Variants in ZNF526 observed in about 807,000 individuals in gnomAD.
ZNF526 encodes zinc finger protein 526.
A neutral mutation model predicts 32.4 loss-of-function variants in ZNF526; 16 were observed. The observed-to-expected ratio is 0.49, with a 90% confidence interval of 0.33 to 0.75. ZNF526 has a LOEUF of 0.75. Ranked by LOEUF, ZNF526 falls within the 30% of genes least tolerant of loss-of-function variation. The probability of loss-of-function intolerance (pLI) is 0.02; values close to 1 mark genes in which losing one functional copy is unlikely to be tolerated. For missense variants in ZNF526, 838 were observed against 920.7 expected (o/e 0.91, Z 1.16); for synonymous variants, 355 against 363.4 (o/e 0.98, Z 0.26).
chr19:42,223,616 G>C (rs1365296058), intron 1 of ZNF526, among the ~76,000 whole-genome samples: 1 of 151,980 alleles, frequency 6.6e-6, no homozygotes. Context: ...ACTCCAGCCT[G>C]GGCGACAGAG....
chr19:42,221,515 TC>T (rs1295634562), intron 1 of ZNF526, among the ~76,000 whole-genome samples: 3 of 151,884 alleles, frequency 2.0e-5, no homozygotes, highest in Admixed American at 1.3e-4. Flanking sequence ...TGCCTGTAGT[TC>T]CAGCTACTCA....
intron 1 of ZNF526, among the ~76,000 whole-genome samples, chr19:42,223,940 C>T (rs1245951260): frequency 7.1e-6 from 1 of 141,646 alleles, no homozygotes; most frequent in Admixed American, 7.4e-5. Flanking sequence ...TCAAGACCAG[C>T]CTGGCCAACA....
chr19:42,223,678 A>G (rs1258286650), intron 1 of ZNF526, among the ~76,000 whole-genome samples: 4 of 147,482 alleles, frequency 2.7e-5, no homozygotes, highest in African/African-American at 1.0e-4. Flanking sequence ...TTAGCTGGGC[A>G]TGGTGGCGCA....
At position 42,225,526 on chromosome 19, in the gene ZNF526, T is replaced by C. The variant is rs145972065; in HGVS notation, c.1123T>C (p.Leu375=). ...CCGCGGCTTTGGCACAGAACTCACG[T>C]TGGTGGCTCACCGGCGGGCCCACAC... ...CGRGFGTELT[L]VAHRRAHTAN... Residue 375 remains leucine, a synonymous_variant, in exon 3 of 3, where the codon TTG becomes CTG. Transcript: ENST00000301215. The C allele has an allele frequency of 1.9e-4, 310 of 1,612,348 alleles. No homozygotes were observed. The highest frequency in any genetic ancestry group is 2.3e-4 in the Non-Finnish European group (273 of 1,178,632).
chr19:42,224,810 A>G lies in ZNF526; in HGVS notation c.407A>G (p.Asn136Ser). The G allele has an allele frequency of 6.2e-7, 1 of 1,613,892 alleles. No individual in the cohort carries two copies. Residue 136 changes from asparagine (N) to serine (S), a missense_variant, in exon 3 of 3, where the codon AAC becomes AGC. By Grantham distance (46) the Asn-to-Ser change is conservative (BLOSUM62 1). Transcript: ENST00000301215. ...HQDAHLRESA[N>S]QIQYQCWDCQ... ...GATGCCCACCTCCGAGAGTCTGCAAACCAGATCCAATACCAGTGCTGGGAC... is the reference window on the plus strand; with the variant it reads ...GATGCCCACCTCCGAGAGTCTGCAAGCCAGATCCAATACCAGTGCTGGGAC...
At position 42,226,047 on chromosome 19, in the gene ZNF526, G is replaced by A. The variant is rs747947449; in HGVS notation, c.1644G>A (p.Arg548=). The change falls in exon 3 of 3, where the codon CGG becomes CGA. Residue 548 remains arginine (R), a synonymous_variant. Transcript: ENST00000301215. ...TQSSNLQQHR[R]LHLRPVAFAR... ...GCTCCAACCTGCAGCAGCACCGGCGGTTGCACTTGCGGCCAGTCGCCTTTG... is the reference window on the plus strand; with the variant it reads ...GCTCCAACCTGCAGCAGCACCGGCGATTGCACTTGCGGCCAGTCGCCTTTG... The A allele has an allele frequency of 1.9e-6, 3 of 1,611,388 alleles. No individual in the cohort carries two copies. In the Admixed American group the frequency reaches 5.0e-5, roughly 27 times the overall value.
chr19:42,222,378 G>T (rs369092806), intron 1 of ZNF526, among the ~76,000 whole-genome samples: 1 of 152,120 alleles, frequency 6.6e-6, no homozygotes, highest in South Asian at 2.1e-4. Context: ...GAGCCACTGC[G>T]CCCGGCAATA....
rs750262570 is a variant in ZNF526, at chr19:42,226,404, G to A, written c.2001G>A (p.Thr667=). The A allele has an allele frequency of 5.4e-5, 87 of 1,614,068 alleles. No individual in the cohort carries two copies. The Middle Eastern group carries it at 6.6e-4, about 12-fold the overall frequency. The part of the protein sequence containing the change: ...SEAGGLLQLD[T]AFV ...CAGGCGGGCTCTTGCAGTTGGACAC[G>A]GCCTTCGTGTGACGCAGCTGAAAAG... Residue 667 remains threonine, a synonymous_variant, in exon 3 of 3, where the codon ACG becomes ACA. Transcript: ENST00000301215.
chr19:42,225,111 G>A lies in ZNF526; in HGVS notation c.708G>A (p.Glu236=). 3 of 1,614,154 alleles carry A rather than the reference G, an allele frequency of 1.9e-6. No individual in the cohort carries two copies. Among genetic ancestry groups the A allele is most frequent in the Non-Finnish European group, 2.5e-6 (3 of 1,180,018 alleles). The change falls in exon 3 of 3, where the codon GAG becomes GAA. Residue 236 remains glutamate (E), a synonymous_variant. Coordinates refer to ENST00000301215, the MANE Select transcript of ZNF526 (RefSeq NM_133444.3). ...GCAATGGGTTGGAGGAGGAGGAAGA[G>A]GACGATGAGGAGGATGAAGAAGATG... is the stretch of plus-strand genomic sequence containing the variant. ...EERNGLEEEE[E]DDEEDEEDDE...
In ZNF526 at chr19:42,226,639, C is replaced by T; in HGVS notation, c.*223C>T. On this transcript the variant is annotated 3_prime_UTR_variant, in exon 3 of 3. Transcript: ENST00000301215. The stretch of plus-strand genomic sequence containing the variant: ...CTGAAGCTCTGAAATGCGATGTGAT[C>T]TGTACCAGGTCACCCAGCTATGCTG... 4 of 689,220 alleles carry T rather than the reference C, an allele frequency of 5.8e-6. No individual in the cohort carries two copies. Among genetic ancestry groups the T allele is most frequent in the Non-Finnish European group, 1.0e-5 (4 of 386,912 alleles). 42.7% of individuals were successfully genotyped at this position (689,220 alleles called of 1,614,324 possible). A position where few individuals can be genotyped will look rare whatever the true frequency, so the allele number is the denominator to read the frequency against.
rs2036151450 is a variant in ZNF526 at position 42,224,383 on chromosome 19, C to T, written c.-17-4C>T. On this transcript the variant is annotated splice_region_variant and splice_polypyrimidine_tract_variant and intron_variant, in intron 2 of 2. Transcript: ENST00000301215. The stretch of plus-strand genomic sequence containing the variant: ...CTCACTGGCTCCTGCCCCTCTTTCT[C>T]CAGGCACTGCCTTCCCCACAATGGC... 1 of 1,612,794 alleles carries T rather than the reference C, an allele frequency of 6.2e-7. No homozygotes were observed. Among genetic ancestry groups the T allele is most frequent in the African/African-American group, 1.3e-5 (1 of 74,988 alleles).
chr19:42,224,682 T>C lies in ZNF526; in HGVS notation c.279T>C (p.Asn93=), dbSNP rs1234809310. The C allele has an allele frequency of 1.2e-6, 2 of 1,614,030 alleles. No individual in the cohort carries two copies. The highest frequency in any genetic ancestry group is 2.7e-5 in the African/African-American group (2 of 74,908). Reference sequence around the variant, plus strand: ...AGGAGGAGGCACTGACCACACAGAATGTTGGCCTGGAGCCGGAGCTGGTGC... The same window carrying C: ...AGGAGGAGGCACTGACCACACAGAACGTTGGCCTGGAGCCGGAGCTGGTGC... ...VSEEEALTTQ[N]VGLEPELVPG... Residue 93 remains asparagine (N), a synonymous_variant, in exon 3 of 3, where the codon AAT becomes AAC. Coordinates refer to ENST00000301215, the MANE Select transcript of ZNF526 (RefSeq NM_133444.3).
Position 42,225,315 on chromosome 19 carries a change from C to T in ZNF526, c.912C>T (p.Pro304=). 6.2e-7 allele frequency: 1 copy of T among 1,613,056 alleles called. No individual in the cohort carries two copies. Among genetic ancestry groups the T allele is most frequent in the Non-Finnish European group, 8.5e-7 (1 of 1,179,312 alleles). ...TAHSPASATH[P]FHCSQCQRSF... is the part of the protein sequence containing the mutation. The stretch of plus-strand genomic sequence containing the variant: ...ACAGCCCGGCATCTGCCACCCACCC[C>T]TTCCACTGCAGCCAGTGTCAGCGCA... Residue 304 remains proline (P), a synonymous_variant, in exon 3 of 3, where the codon CCC becomes CCT. Transcript: ENST00000301215.
chr19:42,221,899 A>G (rs1219877090), intron 1 of ZNF526, among the ~76,000 whole-genome samples: 1 of 151,856 alleles, frequency 6.6e-6, no homozygotes, highest in Non-Finnish European at 1.5e-5. Context: ...CCTGGGCTCA[A>G]GTGATCAAAC....
rs1253903156 is a variant in ZNF526 at position 42,226,005 on chromosome 19, C to G, written c.1602C>G (p.Gly534=). Reference sequence around the variant, plus strand: ...GTCCCTACCAATGCCTGGACTGTGGCAAGCGCTTCACACAGAGCTCCAACC... The same window carrying G: ...GTCCCTACCAATGCCTGGACTGTGGGAAGCGCTTCACACAGAGCTCCAACC... ...GARPYQCLDC[G]KRFTQSSNLQ... The change falls in exon 3 of 3, where the codon GGC becomes GGG. Residue 534 remains glycine (G), a synonymous_variant. Coordinates refer to ENST00000301215, the MANE Select transcript of ZNF526 (RefSeq NM_133444.3). The G allele has an allele frequency of 6.2e-7, 1 of 1,613,588 alleles. No homozygotes were observed. The highest frequency in any genetic ancestry group is 1.3e-5 in the African/African-American group (1 of 74,942).
At position 42,226,099 on chromosome 19, in the gene ZNF526, G is replaced by C; in HGVS notation, c.1696G>C (p.Gly566Arg). 6.2e-7 allele frequency: 1 copy of C among 1,606,180 alleles called. No individual in the cohort carries two copies. Among genetic ancestry groups the C allele is most frequent in the Non-Finnish European group, 8.5e-7 (1 of 1,180,004 alleles). Reference protein sequence around the residue: ...FARAPRLPITGLYNKSPYYCG... With the variant: ...FARAPRLPITRLYNKSPYYCG... ...CCGCGCCCCCCGCCTCCCCATCACT[G>C]GTCTCTACAACAAGAGTCCCTACTA... Residue 566 changes from glycine (G) to arginine (R), a missense_variant, in exon 3 of 3, where the codon GGT (glycine) becomes CGT (arginine). Physicochemically the swap from Gly to Arg is moderately radical, Grantham distance 125 (BLOSUM62 -2). Coordinates refer to ENST00000301215, the MANE Select transcript of ZNF526 (RefSeq NM_133444.3).
chr19:42,224,676 A>C lies in ZNF526; in HGVS notation c.273A>C (p.Thr91=). ...TCTCAGAGGAGGAGGCACTGACCACACAGAATGTTGGCCTGGAGCCGGAGC... is the reference window on the plus strand; with the variant it reads ...TCTCAGAGGAGGAGGCACTGACCACCCAGAATGTTGGCCTGGAGCCGGAGC... ...LAVSEEEALT[T]QNVGLEPELV... is the part of the protein sequence containing the mutation. Residue 91 remains threonine (T), a synonymous_variant, in exon 3 of 3, where the codon ACA becomes ACC. Transcript: ENST00000301215. 1 of 1,614,140 alleles carries C rather than the reference A, an allele frequency of 6.2e-7. No individual in the cohort carries two copies. Among genetic ancestry groups the C allele is most frequent in the Non-Finnish European group, 8.5e-7 (1 of 1,180,034 alleles).
chr19:42,222,313 C>T (rs1015259257), intron 1 of ZNF526, among the ~76,000 whole-genome samples: 1 of 152,110 alleles, frequency 6.6e-6, no homozygotes, highest in Non-Finnish European at 1.5e-5. Flanking sequence ...TGGTCTCGAT[C>T]TCTTGACCTT....
chr19:42,224,595 C>G lies in ZNF526; in HGVS notation c.192C>G (p.Ser64Arg). 1 of 1,614,238 alleles carries G rather than the reference C, an allele frequency of 6.2e-7. No individual in the cohort carries two copies. Among genetic ancestry groups the G allele is most frequent in the Non-Finnish European group, 8.5e-7 (1 of 1,180,038 alleles). The change falls in exon 3 of 3, where the codon AGC becomes AGG. Residue 64 changes from serine to arginine, a missense_variant. Physicochemically the swap from Ser to Arg is moderately radical, Grantham distance 110. Transcript: ENST00000301215. ...AGTTCATGTGCTCTGAGTGTGGCAGCCTCTATAACACACTGGAGGAAGTCC... is the reference window on the plus strand; with the variant it reads ...AGTTCATGTGCTCTGAGTGTGGCAGGCTCTATAACACACTGGAGGAAGTCC... ...HHQFMCSECG[S>R]LYNTLEEVLS...
Sources: allele counts gnomAD v4.1 joint callset (sites outside exome capture counted in the v4.1 genomes callset), GRCh38; gene constraint gnomAD v4.1.1; transcripts MANE v1.5; gene names NCBI Gene and HGNC (gene_info 2026-07-23, HGNC 2026-07-21).